EPB41L3: variants seen among roughly 807,000 people sequenced by gnomAD.
EPB41L3 encodes the protein band 4.1-like protein 3.
A neutral mutation model predicts 127.1 loss-of-function variants in EPB41L3; 57 were observed. The ratio of observed to expected loss-of-function variants is 0.45; its 90% CI spans 0.36 to 0.56. The LOEUF (loss-of-function observed/expected upper bound fraction) is 0.56, where lower values mean the gene tolerates loss of function less well. Ranked by LOEUF, EPB41L3 falls within the 20% of genes least tolerant of loss-of-function variation. The pLI is 0.00. For missense variants in EPB41L3, 1,273 were observed against 1,372.2 expected (o/e 0.93, Z 1.14); for synonymous variants, 572 against 549.5 (o/e 1.04, Z -0.57).
chr18:5,499,607 A>G (rs977317079), intron 1 of EPB41L3, among the ~76,000 whole-genome samples: 3 of 151,856 alleles, frequency 2.0e-5, no homozygotes, highest in Non-Finnish European at 2.9e-5. Context: ...ACCAAAAAAA[A>G]TACAAAAAAA....
intron 1 of EPB41L3, among the ~76,000 whole-genome samples, chr18:5,509,706 T>G (rs1375602198): frequency 6.6e-6 from 1 of 152,250 alleles, no homozygotes. Context: ...CATTCTGCTT[T>G]GTTTGGGTGT....
chr18:5,484,460 C>A (rs937609127), intron 2 of EPB41L3, among the ~76,000 whole-genome samples: 1 of 150,826 alleles, frequency 6.6e-6, no homozygotes, highest in Non-Finnish European at 1.5e-5. Flanking sequence ...ATGAACCAAA[C>A]CCCAAATTAG....
chr18:5,618,402 C>A (rs2094822717), intron 1 of EPB41L3, among the ~76,000 whole-genome samples: 1 of 152,096 alleles, frequency 6.6e-6, no homozygotes, highest in South Asian at 2.1e-4. Flanking sequence ...ATTCCTTATG[C>A]GGGAAATGTA....
chr18:5,398,882 T>C, intron 16 of EPB41L3: 2 of 399,244 alleles, frequency 5.0e-6, no homozygotes, highest in Non-Finnish European at 8.8e-6. Context: ...GGTCATCTTC[T>C]TCAGGACTCT....
chr18:5,624,009 C>CT (rs1305716010), intron 1 of EPB41L3, among the ~76,000 whole-genome samples: 9 of 150,706 alleles, frequency 6.0e-5, no homozygotes, highest in East Asian at 2.0e-4. Flanking sequence ...TATGAATAAA[C>CT]TTTTTTTTTA....
At chr18:5,566,718 TATTCC>T (rs1161343380) in intron 3 of EPB41L3, among the ~76,000 whole-genome samples, 26 of 142,994 alleles carry the variant, frequency 1.8e-4, no homozygotes, top group African/African-American at 5.6e-4. Context: ...TTTTCTTTTC[TATTCC>T]ATTCTATTCT....
chr18:5,402,355 T>C (rs2074643660), intron 16 of EPB41L3, among the ~76,000 whole-genome samples: 3 of 151,908 alleles, frequency 2.0e-5, no homozygotes, highest in Admixed American at 6.6e-5. Context: ...AGGTCAAAAT[T>C]ATAGGTACTT....
At position 5,416,398 on chromosome 18, in the gene EPB41L3, A is replaced by G. The variant is rs2144765284; in HGVS notation, c.1507-20T>C. The G allele has an allele frequency of 1.3e-6, 2 of 1,587,838 alleles. No homozygotes were observed. Among genetic ancestry groups the G allele is most frequent in the Non-Finnish European group, 1.7e-6 (2 of 1,165,412 alleles). On this transcript the variant is annotated intron_variant, in intron 12 of 22. Coordinates refer to ENST00000341928, the MANE Select transcript of EPB41L3 (RefSeq NM_012307.5). The stretch of plus-strand genomic sequence containing the variant: ...AGGTGACTGATGTGAAAGAGACAGA[A>G]AGAGACAGAAAGCAGCAAACAGAGG...
intron 3 of EPB41L3, among the ~76,000 whole-genome samples, chr18:5,606,978 G>GA (rs1228725853): frequency 6.7e-6 from 1 of 149,020 alleles, no homozygotes; most frequent in Non-Finnish European, 1.5e-5. Context: ...AATAATACAG[G>GA]AAAAAAAGGG....
intron 12 of EPB41L3, among the ~76,000 whole-genome samples, chr18:5,417,898 T>C (rs1423003108): frequency 2.0e-5 from 3 of 152,114 alleles, no homozygotes; most frequent in Non-Finnish European, 4.4e-5. Flanking sequence ...TCCTCCAGCA[T>C]GGAGGTGAGG....
At chr18:5,395,012 C>T (rs1169479241) in intron 21 of EPB41L3, 55 bp downstream of exon 21, 1 of 1,548,282 alleles carries the variant, frequency 6.5e-7, no homozygotes, top group Non-Finnish European at 8.9e-7. Flanking sequence ...ACTGTAGGAC[C>T]AACAGGTTTT....
At chr18:5,593,997 C>T (rs549220642) in intron 3 of EPB41L3, among the ~76,000 whole-genome samples, 3 of 152,270 alleles carry the variant, frequency 2.0e-5, no homozygotes, top group Admixed American at 2.0e-4. Context: ...ACATGCTCTA[C>T]AATTTGTGCA....
At chr18:5,522,986 A>G (rs1031005321) in intron 1 of EPB41L3, among the ~76,000 whole-genome samples, 1 of 152,216 alleles carries the variant, frequency 6.6e-6, no homozygotes, top group Non-Finnish European at 1.5e-5. Context: ...AGCTGGTATT[A>G]TATGTAGAGA....
intron 3 of EPB41L3, among the ~76,000 whole-genome samples, chr18:5,458,243 C>T (rs1227988942): frequency 1.3e-5 from 2 of 152,018 alleles, no homozygotes; most frequent in South Asian, 2.1e-4. Flanking sequence ...TACTTTATTC[C>T]CACAAATGAA....
At chr18:5,593,173 G>A (rs1043909000) in intron 3 of EPB41L3, among the ~76,000 whole-genome samples, 2 of 152,004 alleles carry the variant, frequency 1.3e-5, no homozygotes, top group African/African-American at 2.4e-5. Context: ...ACACGGTTCC[G>A]ATGCATAATT....
chr18:5,561,146 G>T (rs535328950), intron 3 of EPB41L3, among the ~76,000 whole-genome samples: 63 of 150,974 alleles, frequency 4.2e-4, no homozygotes, highest in Non-Finnish European at 5.0e-4. Context: ...CCCGGCTAAT[G>T]TCTTGTATTT....
In EPB41L3 at chr18:5,543,045, C is replaced by T. The variant is rs1210750363; in HGVS notation, c.-12+868G>A. On this transcript the variant is annotated intron_variant, in intron 1 of 22. Transcript: ENST00000341928. The surrounding 1 kb of genome is among the most constrained non-coding windows in gnomAD (Gnocchi z 5.2). ...AGACACCTCCCGAGGAGAATCGCGGCCCCGAGGGCGCCAGGTGAGTCGCGC... is the reference window on the plus strand; with the variant it reads ...AGACACCTCCCGAGGAGAATCGCGGTCCCGAGGGCGCCAGGTGAGTCGCGC... Among the ~76,000 whole-genome samples, 8 of 152,108 alleles carry T rather than the reference C, an allele frequency of 5.3e-5. No individual in the cohort carries two copies. In the South Asian group the frequency reaches 1.7e-3, roughly 31 times the overall value.
intron 1 of EPB41L3, among the ~76,000 whole-genome samples, chr18:5,511,750 T>C (rs972733312): frequency 3.3e-5 from 5 of 151,572 alleles, no homozygotes; most frequent in African/African-American, 1.2e-4. Context: ...TCCAGACGCA[T>C]ACAGACAGAG....
intron 2 of EPB41L3, among the ~76,000 whole-genome samples, chr18:5,614,057 A>T (rs1372554210): frequency 6.6e-6 from 1 of 152,238 alleles, no homozygotes; most frequent in Non-Finnish European, 1.5e-5. Flanking sequence ...ACACAGCAGA[A>T]GGGCAAATGA....
Sources: allele counts gnomAD v4.1 joint callset (sites outside exome capture counted in the v4.1 genomes callset), GRCh38; gene constraint gnomAD v4.1.1; non-coding constraint Gnocchi (gnomAD v3.1); transcripts MANE v1.5; gene names NCBI Gene and HGNC (gene_info 2026-07-23, HGNC 2026-07-21).